ANK3: variants seen among roughly 807,000 people sequenced by gnomAD.
The protein encoded by ANK3 is ankyrin 3, also known as ankyrin-3.
Under a neutral mutation model 370.9 loss-of-function variants are expected in ANK3, and 57 were observed. That is an observed-to-expected ratio of 0.15 (90% CI 0.12 to 0.19). The LOEUF (loss-of-function observed/expected upper bound fraction) is 0.19. Ranked by LOEUF, ANK3 falls within the 10% of genes least tolerant of loss-of-function variation. The pLI is 1.00. For missense variants in ANK3, 4,439 were observed against 5,302.1 expected (o/e 0.84, Z 5.06); for synonymous variants, 1,929 against 1,946.3 (o/e 0.99, Z 0.23).
At chr10:60,515,571 A>C (rs10994394) in intron 2 of ANK3, among the ~76,000 whole-genome samples, 15,766 of 152,170 alleles carry the variant, frequency 0.1, 886 homozygotes, top group South Asian at 0.19. Context: ...ATTAAAATAT[A>C]TGTGCCTGGG....
intron 40 of ANK3, among the ~76,000 whole-genome samples, chr10:60,061,609 G>A (rs968292252): frequency 6.6e-6 from 1 of 152,038 alleles, no homozygotes; most frequent in Admixed American, 6.6e-5. Context: ...ATAAGACAAG[G>A]CCTCAAAGGG....
intron 42 of ANK3, among the ~76,000 whole-genome samples, chr10:60,046,561 C>T (rs542277107): frequency 2.5e-4 from 38 of 151,924 alleles, no homozygotes; most frequent in African/African-American, 8.0e-4. Flanking sequence ...TATTCATTGA[C>T]TTAGATTCAT....
intron 2 of ANK3, among the ~76,000 whole-genome samples, chr10:60,439,520 T>TA (rs773368452): frequency 4.6e-4 from 69 of 151,286 alleles, no homozygotes; most frequent in Admixed American, 1.3e-3. Flanking sequence ...AAAAAATAAT[T>TA]TAAAAAAAAA....
At chr10:60,327,016 A>C (rs1356078010) in intron 1 of ANK3, among the ~76,000 whole-genome samples, 1 of 141,468 alleles carries the variant, frequency 7.1e-6, no homozygotes, top group Non-Finnish European at 1.5e-5. Flanking sequence ...ACTCCGTCTC[A>C]AAAAAAAAAG....
intron 1 of ANK3, among the ~76,000 whole-genome samples, chr10:60,333,794 C>T (rs2052071501): frequency 6.6e-6 from 1 of 152,204 alleles, no homozygotes; most frequent in South Asian, 2.1e-4. Context: ...TTCTCCACAT[C>T]CTCTCCAGCA....
chr10:60,239,320 C>T (rs971962447), intron 7 of ANK3, among the ~76,000 whole-genome samples: 1 of 151,674 alleles, frequency 6.6e-6, no homozygotes, highest in East Asian at 1.9e-4. Flanking sequence ...AAACAATAAA[C>T]AAACTCCAAC....
chr10:60,314,418 C>T (rs1273049918), intron 1 of ANK3, among the ~76,000 whole-genome samples: 5 of 152,160 alleles, frequency 3.3e-5, no homozygotes, highest in African/African-American at 1.2e-4. Flanking sequence ...TTAATCTCAA[C>T]AGGAGTTAAC....
At chr10:60,243,486 C>A (rs565347694) in intron 7 of ANK3, among the ~76,000 whole-genome samples, 1 of 152,146 alleles carries the variant, frequency 6.6e-6, no homozygotes, top group Non-Finnish European at 1.5e-5. Context: ...AAGGCCCTCA[C>A]CAGATGCAGC....
intron 7 of ANK3, among the ~76,000 whole-genome samples, chr10:60,238,825 T>G (rs1036455236): frequency 6.6e-6 from 1 of 151,978 alleles, no homozygotes; most frequent in Non-Finnish European, 1.5e-5. Flanking sequence ...AGTATGAGTA[T>G]GCTCATTTCC....
intron 35 of ANK3, 54 bp downstream of exon 35, chr10:60,082,096 G>T: frequency 6.9e-7 from 1 of 1,448,592 alleles, no homozygotes; most frequent in Non-Finnish European, 9.6e-7. Context: ...CTGTCATACA[G>T]ATTCAATTTC....
At chr10:60,323,306 C>T (rs2049076442) in intron 1 of ANK3, among the ~76,000 whole-genome samples, 1 of 152,158 alleles carries the variant, frequency 6.6e-6, no homozygotes, top group Non-Finnish European at 1.5e-5. Flanking sequence ...CCATCAGTCA[C>T]TGGTTGACAG....
chr10:60,326,792 C>T (rs998795585), intron 1 of ANK3, among the ~76,000 whole-genome samples: 2 of 152,224 alleles, frequency 1.3e-5, no homozygotes, highest in South Asian at 2.1e-4. Context: ...GAGGCCGAGG[C>T]GGGCGGATCA....
At chr10:60,467,984 CTTT>C (rs56199348) in intron 2 of ANK3, among the ~76,000 whole-genome samples, 162 of 135,300 alleles carry the variant, frequency 1.2e-3, no homozygotes, top group African/African-American at 4.0e-3. Flanking sequence ...CATATAAAAA[CTTT>C]TTTTTTTTTT....
intron 2 of ANK3, among the ~76,000 whole-genome samples, chr10:60,535,849 C>T (rs763381959): frequency 2.0e-5 from 3 of 151,586 alleles, no homozygotes; most frequent in Non-Finnish European, 4.4e-5. Context: ...AAATTGTATA[C>T]AGAAGCCCCT....
chr10:60,135,478 T>C (rs1033425377), intron 24 of ANK3, among the ~76,000 whole-genome samples: 2 of 152,364 alleles, frequency 1.3e-5, no homozygotes, highest in African/African-American at 4.8e-5. Context: ...ATCCCATAAC[T>C]AGCATTGTAG....
intron 1 of ANK3, among the ~76,000 whole-genome samples, chr10:60,731,645 A>G (rs1171983236): frequency 1.3e-5 from 2 of 152,194 alleles, no homozygotes; most frequent in African/African-American, 4.8e-5. Flanking sequence ...TTAACTTTAC[A>G]TTCACTTTCA....
At chr10:60,476,388 A>G (rs962309929) in intron 2 of ANK3, among the ~76,000 whole-genome samples, 3 of 152,188 alleles carry the variant, frequency 2.0e-5, no homozygotes, top group Non-Finnish European at 4.4e-5. Context: ...GGCACAGCAC[A>G]TTATAACATC....
At chr10:60,402,334 T>C (rs2063368343) in intron 2 of ANK3, among the ~76,000 whole-genome samples, 1 of 152,194 alleles carries the variant, frequency 6.6e-6, no homozygotes, top group South Asian at 2.1e-4. Flanking sequence ...ATGGTTTTGA[T>C]GAGACACCAA....
chr10:60,185,040 T>C (rs1045295002), intron 17 of ANK3, among the ~76,000 whole-genome samples: 24 of 152,202 alleles, frequency 1.6e-4, no homozygotes, highest in Admixed American at 5.2e-4. Context: ...CTATAGAAAA[T>C]TCAAAAGATC....
Sources: allele counts gnomAD v4.1 joint callset (sites outside exome capture counted in the v4.1 genomes callset), GRCh38; gene constraint gnomAD v4.1.1; transcripts MANE v1.5; gene names NCBI Gene and HGNC (gene_info 2026-07-23, HGNC 2026-07-21).